Variants in NCOA2 observed in about 807,000 individuals in gnomAD.
NCOA2 encodes class E basic helix-loop-helix protein 75.
A neutral mutation model predicts 145.1 loss-of-function variants in NCOA2; 21 were observed. The ratio of observed to expected loss-of-function variants is 0.14; its 90% CI spans 0.10 to 0.21. NCOA2 has a LOEUF of 0.21. NCOA2 is among the 10% of genes least tolerant of loss of function. The pLI, the probability that NCOA2 is intolerant of heterozygous loss-of-function variation, is 1.00. For synonymous variants in NCOA2, 619 were observed against 637.5 expected, an observed-to-expected ratio of 0.97 and a Z score of 0.44; for missense variants, 1,472 against 1,837.6, an observed-to-expected ratio of 0.80 and a Z score of 3.64.
At chr8:70,377,947 T>C (rs1811826527) in intron 1 of NCOA2, among the ~76,000 whole-genome samples, 1 of 152,170 alleles carries the variant, frequency 6.6e-6, no homozygotes, top group Admixed American at 6.5e-5. Context: ...TGACTCTGAT[T>C]TCCATAGACT....
the NCOA2 span, among the ~76,000 whole-genome samples, chr8:70,417,260 A>AAAAAAAAAAAG: frequency 6.7e-6 from 1 of 149,302 alleles, no homozygotes; most frequent in African/African-American, 2.5e-5. Flanking sequence ...AAAAAAAAAA[A>AAAAAAAAAAAG]AAAAAAGGCC....
chr8:70,198,353 T>C (rs900224501), intron 4 of NCOA2, among the ~76,000 whole-genome samples: 2 of 151,914 alleles, frequency 1.3e-5, no homozygotes, highest in Non-Finnish European at 2.9e-5. Flanking sequence ...AGGCTGGAGG[T>C]CTGCCTAGAA....
chr8:70,389,675 C>CT (rs1459856134), intron 1 of NCOA2, among the ~76,000 whole-genome samples: 2 of 151,396 alleles, frequency 1.3e-5, no homozygotes, highest in Non-Finnish European at 2.9e-5. Flanking sequence ...TTCAGGAAAA[C>CT]TTTTTTTTAG....
At chr8:70,448,909 A>C in the NCOA2 span, among the ~76,000 whole-genome samples, 1 of 150,986 alleles carries the variant, frequency 6.6e-6, no homozygotes, top group African/African-American at 2.4e-5. Context: ...GACTCGAGAG[A>C]CCCTCCCACC....
chr8:70,350,322 G>GA (rs749762186), intron 1 of NCOA2, among the ~76,000 whole-genome samples: 23 of 152,058 alleles, frequency 1.5e-4, no homozygotes, highest in Non-Finnish European at 2.2e-4. Context: ...ATATACCACT[G>GA]AAAACTATCT....
the NCOA2 span, among the ~76,000 whole-genome samples, chr8:70,452,404 T>C: frequency 6.6e-6 from 1 of 152,132 alleles, no homozygotes; most frequent in Non-Finnish European, 1.5e-5. Flanking sequence ...GTCACACCCA[T>C]GAGGATAACT....
At chr8:70,381,536 A>G (rs1812195054) in intron 1 of NCOA2, among the ~76,000 whole-genome samples, 1 of 152,222 alleles carries the variant, frequency 6.6e-6, no homozygotes. Flanking sequence ...AAGCACTAAT[A>G]TTAATCATGG....
chr8:70,266,302 A>G (rs1423101045), intron 2 of NCOA2, among the ~76,000 whole-genome samples: 2 of 152,232 alleles, frequency 1.3e-5, no homozygotes, highest in Admixed American at 1.3e-4. Context: ...AGGCGGGACT[A>G]CAGGTGCAGG....
intron 1 of NCOA2, among the ~76,000 whole-genome samples, chr8:70,351,653 G>A (rs969738387): frequency 2.8e-5 from 4 of 142,956 alleles, no homozygotes; most frequent in African/African-American, 1.0e-4. Context: ...AAGCAAGATC[G>A]TAGCTCACTG....
chr8:70,405,957 G>A (rs920937470), upstream of NCOA2, among the ~76,000 whole-genome samples: 13 of 152,190 alleles, frequency 8.5e-5, no homozygotes, highest in African/African-American at 2.9e-4. Flanking sequence ...AATTGCCTGA[G>A]CTTGAATTGA....
chr8:70,423,516 A>G, the NCOA2 span, among the ~76,000 whole-genome samples: 1 of 152,094 alleles, frequency 6.6e-6, no homozygotes, highest in Non-Finnish European at 1.5e-5. Flanking sequence ...AGTGCAGGAG[A>G]TCATAAGATG....
the NCOA2 span, among the ~76,000 whole-genome samples, chr8:70,441,788 G>GA: frequency 7.6e-5 from 1 of 13,148 alleles, no homozygotes; most frequent in Non-Finnish European, 3.1e-4. Flanking sequence ...AGAAGAGAAA[G>GA]AAAGAAAGAA....
chr8:70,280,217 T>C (rs1187330898), intron 2 of NCOA2, among the ~76,000 whole-genome samples: 1 of 152,212 alleles, frequency 6.6e-6, no homozygotes. Context: ...GCTGAGTTTC[T>C]ACCATTTCCT....
At chr8:70,436,983 T>C in the NCOA2 span, among the ~76,000 whole-genome samples, 1 of 152,236 alleles carries the variant, frequency 6.6e-6, no homozygotes, top group African/African-American at 2.4e-5. Context: ...TCTTGGGATA[T>C]GATGAAATTC....
At chr8:70,273,636 C>G (rs1825240882) in intron 2 of NCOA2, 2 of 731,334 alleles carry the variant, frequency 2.7e-6, no homozygotes, top group African/African-American at 3.5e-5. Context: ...ACAGGCTATA[C>G]TGAGACAAAG....
chr8:70,352,233 C>T (rs62530510), intron 1 of NCOA2, among the ~76,000 whole-genome samples: 3 of 152,058 alleles, frequency 2.0e-5, no homozygotes, highest in African/African-American at 4.8e-5. Flanking sequence ...CTCTCTTAAT[C>T]GTTAGGTAAG....
intron 1 of NCOA2, among the ~76,000 whole-genome samples, chr8:70,359,871 T>C (rs768472862): frequency 2.0e-5 from 3 of 152,208 alleles, no homozygotes; most frequent in Non-Finnish European, 4.4e-5. Context: ...CAAATATACA[T>C]ACCCTGCCCT....
intron 2 of NCOA2, among the ~76,000 whole-genome samples, chr8:70,241,493 T>C (rs1822123730): frequency 6.6e-6 from 1 of 152,136 alleles, no homozygotes; most frequent in African/African-American, 2.4e-5. Flanking sequence ...ATACTTGAAA[T>C]GAAACAGAAG....
intron 2 of NCOA2, among the ~76,000 whole-genome samples, chr8:70,245,740 A>C (rs1338570063): frequency 6.6e-6 from 1 of 152,156 alleles, no homozygotes; most frequent in Non-Finnish European, 1.5e-5. Flanking sequence ...CAAAACAAAC[A>C]TTCTGATGCA....
Sources: allele counts gnomAD v4.1 joint callset (sites outside exome capture counted in the v4.1 genomes callset), GRCh38; gene constraint gnomAD v4.1.1; transcripts MANE v1.5; gene names NCBI Gene and HGNC (gene_info 2026-07-23, HGNC 2026-07-21).